Variants in MET observed in about 807,000 individuals in gnomAD.
MET encodes the protein hepatocyte growth factor receptor.
Under a neutral mutation model 133.1 loss-of-function variants are expected in MET, and 48 were observed. That is an observed-to-expected ratio of 0.36 (90% CI 0.29 to 0.46). MET has a LOEUF of 0.46. MET is among the 20% of genes least tolerant of loss of function. The pLI is 1.00. For synonymous variants in MET, 628 were observed against 616.5 expected (o/e 1.02, Z -0.28); for missense variants, 1,442 against 1,695.9 (o/e 0.85, Z 2.63).
At chr7:116,713,559 T>A (rs1219223787) in intron 2 of MET, among the ~76,000 whole-genome samples, 3 of 150,720 alleles carry the variant, frequency 2.0e-5, no homozygotes, top group African/African-American at 7.3e-5. Context: ...GTAGATGCAG[T>A]GAGAACTGAG....
intron 3 of MET, among the ~76,000 whole-genome samples, chr7:116,736,109 C>T (rs888940958): frequency 6.6e-6 from 1 of 152,062 alleles, no homozygotes; most frequent in African/African-American, 2.4e-5. Context: ...GGAAAATACA[C>T]TCAAGGGTTC....
intron 19 of MET, among the ~76,000 whole-genome samples, chr7:116,790,967 A>C (rs1795473112): frequency 6.6e-6 from 1 of 152,178 alleles, no homozygotes; most frequent in African/African-American, 2.4e-5. Flanking sequence ...AATCCCAACT[A>C]TTCAGGAGGC....
At position 116,699,312 on chromosome 7, in the gene MET, A is replaced by G. The variant is rs2116583391; in HGVS notation, c.228A>G (p.Glu76=). The change falls in exon 2 of 21, where the codon GAA becomes GAG. Residue 76 remains glutamate (E), a synonymous_variant. Coordinates refer to ENST00000397752, the MANE Select transcript of MET (RefSeq NM_000245.4). ...ATNYIYVLNE[E]DLQKVAEYKT... ...ACTACATTTATGTTTTAAATGAGGA[A>G]GACCTTCAGAAGGTTGCTGAGTACA... 1 of 1,614,088 alleles carries G rather than the reference A, an allele frequency of 6.2e-7. No homozygotes were observed. Among genetic ancestry groups the G allele is most frequent in the Non-Finnish European group, 8.5e-7 (1 of 1,179,958 alleles).
intron 11 of MET, 36 bp downstream of exon 11, chr7:116,763,304 G>C (rs2116957903): frequency 6.4e-7 from 1 of 1,572,250 alleles, no homozygotes; most frequent in Non-Finnish European, 8.7e-7. Flanking sequence ...TAAATCATCA[G>C]CTCAAACTTA....
chr7:116,722,339 T>G (rs947115031), intron 2 of MET, among the ~76,000 whole-genome samples: 1 of 151,388 alleles, frequency 6.6e-6, no homozygotes, highest in Non-Finnish European at 1.5e-5. Context: ...GCTTGGTAGC[T>G]CTTCCTCCAT....
intron 6 of MET, among the ~76,000 whole-genome samples, chr7:116,756,756 T>A (rs950293741): frequency 2.0e-5 from 3 of 152,316 alleles, no homozygotes; most frequent in African/African-American, 7.2e-5. Context: ...ATGAAGAGAT[T>A]GGCCTATTTG....
intron 2 of MET, among the ~76,000 whole-genome samples, chr7:116,719,121 T>C (rs1218466398): frequency 2.8e-5 from 3 of 109,030 alleles, no homozygotes; most frequent in East Asian, 5.2e-4. Flanking sequence ...AGTGTAAAAG[T>C]GTTCCTATTT....
intron 5 of MET, among the ~76,000 whole-genome samples, chr7:116,744,735 T>C (rs1793600604): frequency 6.6e-6 from 1 of 151,928 alleles, no homozygotes; most frequent in African/African-American, 2.4e-5. Flanking sequence ...AGACACATAA[T>C]AGTCAGATTC....
intron 5 of MET, among the ~76,000 whole-genome samples, chr7:116,752,240 A>C (rs1793952124): frequency 6.6e-6 from 1 of 152,022 alleles, no homozygotes; most frequent in Non-Finnish European, 1.5e-5. Context: ...CCCCTTTTGG[A>C]GTTTTTTTGT....
At chr7:116,696,894 G>A (rs10223961) in intron 1 of MET, among the ~76,000 whole-genome samples, 36,684 of 152,104 alleles carry the variant, frequency 0.24, 4,516 homozygotes, top group East Asian at 0.34. Flanking sequence ...TGATCATGCC[G>A]CTTTCCCAGT....
chr7:116,779,337 G>A (rs937299753), intron 17 of MET, among the ~76,000 whole-genome samples: 12 of 152,166 alleles, frequency 7.9e-5, no homozygotes, highest in African/African-American at 2.4e-4. Context: ...CTCCAGATGC[G>A]TTCCTTGCTG....
chr7:116,722,187 T>A (rs969419688), intron 2 of MET, among the ~76,000 whole-genome samples: 7 of 151,998 alleles, frequency 4.6e-5, no homozygotes, highest in African/African-American at 1.7e-4. Flanking sequence ...GGTGCATATA[T>A]ATTTAGGATA....
chr7:116,691,059 G>A (rs1299503920), intron 1 of MET, among the ~76,000 whole-genome samples: 1 of 152,122 alleles, frequency 6.6e-6, no homozygotes, highest in Non-Finnish European at 1.5e-5. Flanking sequence ...AGTCTTCCTG[G>A]AGATTTAGCC....
At position 116,690,185 on chromosome 7, in the gene MET, G is replaced by A. The variant is rs572061828; in HGVS notation, c.-14-8886G>A. Among the ~76,000 whole-genome samples the A allele has an allele frequency of 3.9e-5, 6 of 152,224 alleles. No individual in the cohort carries two copies. The South Asian group carries it at 1.0e-3, about 26-fold the overall frequency. On this transcript the variant is annotated intron_variant, in intron 1 of 20. Transcript: ENST00000397752. ...GCCAAAACACAAGTTAGGATAATAA[G>A]CATAGTAGCTATTATTAAATGCTAG...
intron 1 of MET, among the ~76,000 whole-genome samples, chr7:116,686,815 C>A (rs181850913): frequency 7.3e-4 from 111 of 152,314 alleles, no homozygotes; most frequent in African/African-American, 2.5e-3. Flanking sequence ...CCTGGACAAC[C>A]CTGCATCTTC....
intron 3 of MET, among the ~76,000 whole-genome samples, chr7:116,733,619 T>C (rs1291706633): frequency 6.6e-6 from 1 of 152,228 alleles, no homozygotes; most frequent in African/African-American, 2.4e-5. Context: ...TCTTGTCTCC[T>C]AGCCTTTGTG....
intron 2 of MET, among the ~76,000 whole-genome samples, chr7:116,729,503 CA>C (rs1293932716): frequency 6.6e-6 from 1 of 152,078 alleles, no homozygotes; most frequent in Non-Finnish European, 1.5e-5. Flanking sequence ...TGTTCTTAAA[CA>C]ATAAAATGAT....
At position 116,771,747 on chromosome 7, in the gene MET, T is replaced by C. The variant is rs569472551; in HGVS notation, c.2887+93T>C. 186 of 1,607,626 alleles carry C rather than the reference T, an allele frequency of 1.2e-4. 2 individuals are homozygous for C. The Middle Eastern group carries it at 1.2e-3, about 10-fold the overall frequency. On this transcript the variant is annotated intron_variant, in intron 13 of 20. Coordinates refer to ENST00000397752, the MANE Select transcript of MET (RefSeq NM_000245.4). Reference sequence around the variant, plus strand: ...TCGTCGATTCTTGTGTGCTGTCTTATATGTAGTCCATAAAACCCATGAGTT... The same window carrying C: ...TCGTCGATTCTTGTGTGCTGTCTTACATGTAGTCCATAAAACCCATGAGTT...
Position 116,758,459 on chromosome 7 carries a change from T to C in MET, c.2103T>C (p.Ser701=), listed in dbSNP as rs1554395656. 1 of 1,613,526 alleles carries C rather than the reference T, an allele frequency of 6.2e-7. No homozygotes were observed. The highest frequency in any genetic ancestry group is 8.5e-7 in the Non-Finnish European group (1 of 1,179,608). Residue 701 remains serine (S), a splice_region_variant and synonymous_variant, in exon 9 of 21, where the codon AGT becomes AGC. Coordinates refer to ENST00000397752, the MANE Select transcript of MET (RefSeq NM_000245.4). ...SIGGKTCTLK[S]VSNSILECYT... Reference sequence around the variant, plus strand: ...CACTTCCTTAATTTTTTTTGTTCAGTGTGTCAAACAGTATTCTTGAATGTT... The same window carrying C: ...CACTTCCTTAATTTTTTTTGTTCAGCGTGTCAAACAGTATTCTTGAATGTT...
Sources: gnomAD v4.1 joint callset for allele counts (sites outside exome capture counted in the v4.1 genomes callset) on GRCh38, gnomAD v4.1.1 for gene constraint, MANE v1.5 for transcripts, NCBI Gene and HGNC (gene_info 2026-07-23, HGNC 2026-07-21) for gene names.